Variants in IL7 observed in about 807,000 individuals in gnomAD.
IL7 encodes the protein interleukin-7.
A neutral mutation model predicts 21.6 loss-of-function variants in IL7; 3 were observed. The ratio of observed to expected loss-of-function variants is 0.14; its 90% CI spans 0.06 to 0.36. IL7 has a LOEUF of 0.36. Among genes scored for constraint, IL7 ranks in the 10% least tolerant of loss-of-function variants. IL7 has a pLI of 1.00. For synonymous variants in IL7, 62 were observed against 68.1 expected (o/e 0.91, Z 0.44); for missense variants, 175 against 200.2 (o/e 0.87, Z 0.76).
chr8:78,739,459 G>A (rs963751140), intron 3 of IL7, among the ~76,000 whole-genome samples: 4 of 152,032 alleles, frequency 2.6e-5, no homozygotes, highest in African/African-American at 7.2e-5. Context: ...TTTGGGAGGC[G>A]GAGGCAGGCG....
downstream of IL7, among the ~76,000 whole-genome samples, chr8:78,716,418 C>T (rs1161098718): frequency 1.3e-5 from 2 of 152,012 alleles, no homozygotes; most frequent in East Asian, 1.9e-4. Flanking sequence ...CCACCGCACC[C>T]GGCCTAGTAT....
intron 3 of IL7, among the ~76,000 whole-genome samples, chr8:78,722,726 A>T (rs1811263913): frequency 6.6e-6 from 1 of 151,994 alleles, no homozygotes; most frequent in African/African-American, 2.4e-5. Flanking sequence ...TATGGTAGAG[A>T]ATTAATTGGC....
intron 2 of IL7, among the ~76,000 whole-genome samples, chr8:78,758,142 G>A (rs915958807): frequency 6.6e-6 from 1 of 152,018 alleles, no homozygotes; most frequent in African/African-American, 2.4e-5. Flanking sequence ...GACTAATATA[G>A]TGTCTTTACC....
intron 4 of IL7, among the ~76,000 whole-genome samples, chr8:78,676,781 A>G (rs1809594839): frequency 6.6e-6 from 1 of 151,942 alleles, no homozygotes; most frequent in Non-Finnish European, 1.5e-5. Flanking sequence ...TTATCAATTT[A>G]TTATTTTTCA....
intron 3 of IL7, chr8:78,698,263 C>T: frequency 5.1e-6 from 3 of 592,256 alleles, no homozygotes; most frequent in East Asian, 3.1e-5. Flanking sequence ...ATATGTCGTC[C>T]TCTGGAAATG....
intron 2 of IL7, among the ~76,000 whole-genome samples, chr8:78,778,577 C>T (rs1288853910): frequency 6.6e-5 from 10 of 152,070 alleles, no homozygotes; most frequent in African/African-American, 2.2e-4. Flanking sequence ...TTTGTGAGGT[C>T]TCTATTCTTT....
At chr8:78,781,432 C>T (rs1237860729) in intron 2 of IL7, among the ~76,000 whole-genome samples, 1 of 152,164 alleles carries the variant, frequency 6.6e-6, no homozygotes, top group East Asian at 1.9e-4. Context: ...ATTTCCTCAG[C>T]ATTTGCCTGT....
intron 2 of IL7, among the ~76,000 whole-genome samples, chr8:78,786,261 C>G (rs1813506454): frequency 6.6e-6 from 1 of 152,158 alleles, no homozygotes; most frequent in Admixed American, 6.5e-5. Context: ...GGCTACAAAC[C>G]TGCATAGCAT....
At chr8:78,701,323 G>T (rs951430677) in intron 3 of IL7, among the ~76,000 whole-genome samples, 3 of 152,124 alleles carry the variant, frequency 2.0e-5, no homozygotes, top group Admixed American at 6.6e-5. Flanking sequence ...GAATGCTAGT[G>T]ATTTTTGCAC....
At chr8:78,783,031 GGCACCA>G (rs57368641) in intron 2 of IL7, among the ~76,000 whole-genome samples, 25,916 of 151,858 alleles carry the variant, frequency 0.17, 3,182 homozygotes, top group African/African-American at 0.34. Flanking sequence ...CAATATCTCT[GGCACCA>G]GCAGGGGAAA....
At chr8:78,768,688 T>G (rs1346506805) in intron 2 of IL7, among the ~76,000 whole-genome samples, 1 of 151,804 alleles carries the variant, frequency 6.6e-6, no homozygotes, top group Admixed American at 6.6e-5. Flanking sequence ...GTCAGATGAG[T>G]AGGTTGCGAA....
intron 2 of IL7, among the ~76,000 whole-genome samples, chr8:78,756,400 C>T (rs1195714420): frequency 6.6e-6 from 1 of 151,654 alleles, no homozygotes; most frequent in African/African-American, 2.4e-5. Context: ...TGGCATTTGT[C>T]TTGCTTTAAA....
intron 2 of IL7, among the ~76,000 whole-genome samples, chr8:78,745,697 G>T (rs1019651679): frequency 6.6e-6 from 1 of 152,120 alleles, no homozygotes; most frequent in East Asian, 1.9e-4. Context: ...TTATTGTTCA[G>T]CCAGTATTTA....
At chr8:78,677,514 A>G (rs542713331) in intron 4 of IL7, among the ~76,000 whole-genome samples, 2 of 152,304 alleles carry the variant, frequency 1.3e-5, no homozygotes, top group South Asian at 2.1e-4. Context: ...TGTTAACTTT[A>G]TATTAGCATA....
At chr8:78,699,687 T>A (rs1212082548) in intron 3 of IL7, among the ~76,000 whole-genome samples, 1 of 152,130 alleles carries the variant, frequency 6.6e-6, no homozygotes. Context: ...GTCTCATAAT[T>A]TAGCTTCCAC....
chr8:78,804,377 G>T (rs1476881565), intron 1 of IL7, among the ~76,000 whole-genome samples: 1 of 152,194 alleles, frequency 6.6e-6, no homozygotes, highest in Non-Finnish European at 1.5e-5. Context: ...GCCCTTGCCG[G>T]AAACTCCCAG....
At chr8:78,710,593 G>C (rs750515958) in intron 3 of IL7, among the ~76,000 whole-genome samples, 3 of 151,908 alleles carry the variant, frequency 2.0e-5, no homozygotes, top group Non-Finnish European at 4.4e-5. Context: ...AGTTTTTTCT[G>C]AGAAAGAAAA....
At chr8:78,721,681 C>T (rs1811241521) in intron 3 of IL7, among the ~76,000 whole-genome samples, 1 of 151,890 alleles carries the variant, frequency 6.6e-6, no homozygotes, top group Non-Finnish European at 1.5e-5. Context: ...AAACTTAAAA[C>T]CTGTCATGGG....
intron 2 of IL7, among the ~76,000 whole-genome samples, chr8:78,747,499 TA>T (rs980142912): frequency 3.3e-5 from 5 of 152,216 alleles, no homozygotes; most frequent in Non-Finnish European, 5.9e-5. Context: ...AAGCCTTATT[TA>T]GGGGGCCTTT....
Sources: gnomAD v4.1 joint callset for allele counts (sites outside exome capture counted in the v4.1 genomes callset) on GRCh38, gnomAD v4.1.1 for gene constraint, MANE v1.5 for transcripts, NCBI Gene and HGNC (gene_info 2026-07-23, HGNC 2026-07-21) for gene names.